Variants in UTRN observed in about 807,000 individuals in gnomAD.
The protein encoded by UTRN is dystrophin-related protein 1.
A neutral mutation model predicts 463.9 loss-of-function variants in UTRN; 283 were observed. The observed-to-expected ratio is 0.61, with a 90% CI of 0.55 to 0.67. The LOEUF (loss-of-function observed/expected upper bound fraction) is 0.67. UTRN is among the 30% of genes least tolerant of loss of function. The pLI, the probability that UTRN is intolerant of heterozygous loss-of-function variation, is 0.00. For synonymous variants in UTRN, 1,442 were observed against 1,431.5 expected (o/e 1.01, Z -0.17); for missense variants, 3,922 against 4,084.3 (o/e 0.96, Z 1.08).
intron 3 of UTRN, among the ~76,000 whole-genome samples, chr6:144,408,963 T>C (rs1010510742): frequency 1.3e-5 from 2 of 152,198 alleles, no homozygotes; most frequent in South Asian, 2.1e-4. Flanking sequence ...GAGTTACACA[T>C]TGGGTCTGCC....
intron 23 of UTRN, among the ~76,000 whole-genome samples, chr6:144,466,948 C>G (rs1177605659): frequency 6.6e-6 from 1 of 152,194 alleles, no homozygotes; most frequent in African/African-American, 2.4e-5. Flanking sequence ...ATTTCATTAC[C>G]CTTTAAATCT....
At chr6:144,468,234 G>A (rs1480929783) in intron 23 of UTRN, among the ~76,000 whole-genome samples, 3 of 152,134 alleles carry the variant, frequency 2.0e-5, no homozygotes, top group Admixed American at 1.3e-4. Context: ...GAAATGAGGT[G>A]AGATAGGGTC....
At chr6:144,378,937 T>C (rs1422202455) in intron 2 of UTRN, among the ~76,000 whole-genome samples, 1 of 152,154 alleles carries the variant, frequency 6.6e-6, no homozygotes, top group African/African-American at 2.4e-5. Flanking sequence ...AAGGGTTAGA[T>C]TGTGGTATTA....
At chr6:144,587,158 A>G (rs909379937) in intron 51 of UTRN, among the ~76,000 whole-genome samples, 18 of 152,148 alleles carry the variant, frequency 1.2e-4, no homozygotes, top group African/African-American at 4.1e-4. Flanking sequence ...GTGACTAGTC[A>G]TTTACATACA....
At chr6:144,583,551 G>C in intron 51 of UTRN, 1 of 715,402 alleles carries the variant, frequency 1.4e-6, no homozygotes, top group Non-Finnish European at 2.6e-6. Context: ...TTGTTGCATC[G>C]CTTACAAAGG....
intron 2 of UTRN, among the ~76,000 whole-genome samples, chr6:144,359,034 T>A (rs1778812221): frequency 6.6e-6 from 1 of 152,232 alleles, no homozygotes; most frequent in Non-Finnish European, 1.5e-5. Context: ...TTTTCCTGTT[T>A]TTGTTTTTAG....
At chr6:144,453,977 C>T in intron 19 of UTRN, 108 bp downstream of exon 19, 1 of 844,090 alleles carries the variant, frequency 1.2e-6, no homozygotes, top group Non-Finnish European at 1.8e-6. Flanking sequence ...CCTCTTTTGG[C>T]TAGATAAATG....
chr6:144,555,366 A>G (rs1430688655), intron 49 of UTRN, among the ~76,000 whole-genome samples: 3 of 152,198 alleles, frequency 2.0e-5, no homozygotes, highest in Non-Finnish European at 4.4e-5. Context: ...GTGGAAGGCA[A>G]AGGGGAAGCA....
chr6:144,354,826 C>T (rs1778412367), intron 2 of UTRN, among the ~76,000 whole-genome samples: 1 of 152,128 alleles, frequency 6.6e-6, no homozygotes, highest in Non-Finnish European at 1.5e-5. Flanking sequence ...TCACAACATT[C>T]ATGATGGATG....
intron 29 of UTRN, 144 bp downstream of exon 29, chr6:144,487,841 G>T: frequency 1.5e-6 from 1 of 676,908 alleles, no homozygotes; most frequent in Non-Finnish European, 2.3e-6. Flanking sequence ...GGCATTGAGG[G>T]TATTGAAATA....
chr6:144,491,411 T>C (rs1475237245), intron 32 of UTRN, among the ~76,000 whole-genome samples: 1 of 152,312 alleles, frequency 6.6e-6, no homozygotes, highest in African/African-American at 2.4e-5. Flanking sequence ...AGAGTGTGAC[T>C]AATAAGCAAA....
At chr6:144,347,850 G>GTTTTTTTTTTTTTTTT (rs1340536493) in intron 2 of UTRN, among the ~76,000 whole-genome samples, 1 of 128,598 alleles carries the variant, frequency 7.8e-6, no homozygotes, top group African/African-American at 3.4e-5. Context: ...TTTTTTTTTT[G>GTTTTTTTTTTTTTTTT]TTTTTTTTTT....
intron 26 of UTRN, among the ~76,000 whole-genome samples, chr6:144,480,762 A>G (rs925846024): frequency 6.6e-6 from 1 of 152,240 alleles, no homozygotes; most frequent in African/African-American, 2.4e-5. Flanking sequence ...TGTAAGCTTA[A>G]GCAACACAGT....
At chr6:144,588,482 A>G (rs1332796522) in intron 51 of UTRN, among the ~76,000 whole-genome samples, 1 of 152,216 alleles carries the variant, frequency 6.6e-6, no homozygotes, top group Admixed American at 6.5e-5. Context: ...TATAGCCAAG[A>G]TATCATTATC....
At position 144,567,841 on chromosome 6, in the gene UTRN, C is replaced by T. The variant is rs1394939802; in HGVS notation, c.7290-9258C>T. On this transcript the variant is annotated intron_variant, in intron 50 of 74. Coordinates refer to ENST00000367545, the MANE Select transcript of UTRN (RefSeq NM_007124.3). ...TTCCTGAGATGCTCTTTTCATTAAA[C>T]TCTTTAAAAAGAGAGACATATCTAT... 2.0e-5 allele frequency among the ~76,000 whole-genome samples: 3 copies of T among 152,222 alleles called. No homozygotes were observed. The East Asian group carries it at 5.8e-4, about 29-fold the overall frequency.
intron 23 of UTRN, among the ~76,000 whole-genome samples, chr6:144,472,770 ATTT>A (rs61374314): frequency 5.0e-5 from 7 of 139,612 alleles, no homozygotes; most frequent in African/African-American, 5.3e-5. Context: ...ACTTACTTGC[ATTT>A]TTTTTTTTTT....
chr6:144,564,771 T>C lies in UTRN; in HGVS notation c.7289+7460T>C, dbSNP rs750498773. 5.4e-4 allele frequency among the ~76,000 whole-genome samples: 82 copies of C among 152,260 alleles called. 1 individual carries two copies. The highest frequency in any genetic ancestry group is 7.2e-4 in the Non-Finnish European group (49 of 68,002). ...GGAAACCATCCCCATTATCCAATTATGTCCACCTGGTCTCTCCCTTGACAC... is the reference window on the plus strand; with the variant it reads ...GGAAACCATCCCCATTATCCAATTACGTCCACCTGGTCTCTCCCTTGACAC... On this transcript the variant is annotated intron_variant, in intron 50 of 74. Coordinates refer to ENST00000367545, the MANE Select transcript of UTRN (RefSeq NM_007124.3).
chr6:144,438,317 A>G (rs1786790232), intron 11 of UTRN, among the ~76,000 whole-genome samples: 1 of 152,224 alleles, frequency 6.6e-6, no homozygotes, highest in South Asian at 2.1e-4. Context: ...CAATGTTAAG[A>G]TTAGCTAAAC....
intron 7 of UTRN, among the ~76,000 whole-genome samples, chr6:144,426,809 C>G (rs1785334055): frequency 6.6e-6 from 1 of 152,176 alleles, no homozygotes; most frequent in African/African-American, 2.4e-5. Context: ...GAAAGTAAAA[C>G]TCTGTAAATT....
Sources: gnomAD v4.1 joint callset for allele counts (sites outside exome capture counted in the v4.1 genomes callset) on GRCh38, gnomAD v4.1.1 for gene constraint, MANE v1.5 for transcripts, NCBI Gene and HGNC (gene_info 2026-07-23, HGNC 2026-07-21) for gene names.